Variants in TRPC7 observed in about 807,000 individuals in gnomAD.
TRPC7 encodes the protein transient receptor potential cation channel subfamily C member 7.
A neutral mutation model predicts 90.1 loss-of-function variants in TRPC7; 42 were observed. The observed-to-expected ratio is 0.47, with a 90% CI of 0.36 to 0.60. TRPC7 has a LOEUF of 0.60. Among genes scored for constraint, TRPC7 ranks in the 20% least tolerant of loss-of-function variants. TRPC7 has a pLI of 0.00. For missense variants in TRPC7, 955 were observed against 1,112.3 expected (o/e 0.86, Z 2.01); for synonymous variants, 451 against 436.3 (o/e 1.03, Z -0.42).
At chr5:136,281,884 A>G (rs1006294532) in intron 3 of TRPC7, among the ~76,000 whole-genome samples, 1 of 152,240 alleles carries the variant, frequency 6.6e-6, no homozygotes, top group Non-Finnish European at 1.5e-5. Flanking sequence ...TTTCTGAAAT[A>G]CAAACCACTT....
intron 3 of TRPC7, among the ~76,000 whole-genome samples, chr5:136,292,043 C>G (rs1280001846): frequency 1.3e-5 from 2 of 152,164 alleles, no homozygotes; most frequent in Non-Finnish European, 2.9e-5. Context: ...TGAATGACTA[C>G]TGGGTACATA....
chr5:136,251,524 G>A lies in TRPC7; in HGVS notation c.1579+125C>T, dbSNP rs112731278. 3,068 of 771,558 alleles carry A rather than the reference G, an allele frequency of 4.0e-3. 28 individuals are homozygous for A. Among genetic ancestry groups the A allele is most frequent in the African/African-American group, 0.02 (1,151 of 57,538 alleles). 47.8% of individuals were successfully genotyped at this position (771,558 alleles called of 1,614,324 possible). ...ACTGACAGTGGAACTGCCAAAGTCG[G>A]CTGTGTTACAAATCATGGGCCACTT... On this transcript the variant is annotated intron_variant, in intron 6 of 11. Transcript: ENST00000513104.
chr5:136,364,451 A>T (rs1403083847), intron 1 of TRPC7, among the ~76,000 whole-genome samples: 4 of 152,196 alleles, frequency 2.6e-5, no homozygotes, highest in Non-Finnish European at 4.4e-5. Flanking sequence ...TTCATTCATA[A>T]ATTTGATGTG....
intron 3 of TRPC7, among the ~76,000 whole-genome samples, chr5:136,304,717 T>C (rs974202012): frequency 6.6e-6 from 1 of 152,182 alleles, no homozygotes; most frequent in African/African-American, 2.4e-5. Context: ...CAAGCCCAAA[T>C]TTCATCCTCA....
intron 2 of TRPC7, among the ~76,000 whole-genome samples, chr5:136,320,953 G>A (rs1336297290): frequency 6.6e-6 from 1 of 151,908 alleles, no homozygotes; most frequent in Admixed American, 6.6e-5. Flanking sequence ...TATATTTATT[G>A]TCCATGTCTC....
rs113681834 is a variant in TRPC7 at position 136,250,104 on chromosome 5, T to TG, written c.1579+1544_1579+1545insC. On this transcript the variant is annotated intron_variant, in intron 6 of 11. Transcript: ENST00000513104. ...TCTCTCTTCCTTCCTTGATGAACCC[T>TG]AACAAGACAGAGGATAATATCCAAG... is the stretch of plus-strand genomic sequence containing the variant. Among the ~76,000 whole-genome samples, 1,244 of 152,302 alleles carry TG rather than the reference T, an allele frequency of 8.2e-3. 15 individuals are homozygous for TG. The highest frequency in any genetic ancestry group is 0.021 in the African/African-American group (878 of 41,578).
chr5:136,360,553 C>A (rs1037878140), intron 1 of TRPC7, among the ~76,000 whole-genome samples: 5 of 152,134 alleles, frequency 3.3e-5, no homozygotes, highest in African/African-American at 1.2e-4. Flanking sequence ...TCTGAATGAC[C>A]TTGAAAGCAG....
intron 3 of TRPC7, among the ~76,000 whole-genome samples, chr5:136,303,056 C>T (rs1008822563): frequency 3.3e-5 from 5 of 152,192 alleles, no homozygotes; most frequent in African/African-American, 4.8e-5. Flanking sequence ...TCCTCACACC[C>T]GGTCTGGCTT....
rs535307447 is a variant in TRPC7, at chr5:136,345,305, T to C, written c.780+11303A>G. Among the ~76,000 whole-genome samples the C allele has an allele frequency of 1.1e-4, 16 of 152,180 alleles. No individual in the cohort carries two copies. The East Asian group carries it at 2.5e-3, about 24-fold the overall frequency. On this transcript the variant is annotated intron_variant, in intron 2 of 11. Transcript: ENST00000513104. ...GCACGGTGGCTCACGCCTGTAATCCTAGCACTTTGGGAGGCCGAGGCGGGC... is the reference window on the plus strand; with the variant it reads ...GCACGGTGGCTCACGCCTGTAATCCCAGCACTTTGGGAGGCCGAGGCGGGC...
intron 7 of TRPC7, among the ~76,000 whole-genome samples, chr5:136,245,970 C>T (rs1023466534): frequency 1.3e-5 from 2 of 152,178 alleles, no homozygotes; most frequent in South Asian, 2.1e-4. Context: ...AGACCCTTCT[C>T]GGTGCTACCG....
rs373487347 is a variant in TRPC7 at position 136,213,393 on chromosome 5, C to G, written c.*42G>C. The G allele has an allele frequency of 7.5e-6, 12 of 1,604,386 alleles. No homozygotes were observed. The highest frequency in any genetic ancestry group is 7.7e-6 in the Non-Finnish European group (9 of 1,174,758). On this transcript the variant is annotated 3_prime_UTR_variant, in exon 12 of 12. Transcript: ENST00000513104. ...ATGGGGGCGAGGGCATCCAACCTGG[C>G]CTTGGAATGCTGGTAGAAGTCACAG...
intron 8 of TRPC7, among the ~76,000 whole-genome samples, chr5:136,228,286 T>C (rs1481758156): frequency 8.3e-6 from 1 of 121,020 alleles, no homozygotes. Flanking sequence ...AGGTCAAGAG[T>C]GGGTGGGGTG....
At chr5:136,312,203 C>T (rs1758852625) in intron 3 of TRPC7, among the ~76,000 whole-genome samples, 1 of 152,136 alleles carries the variant, frequency 6.6e-6, no homozygotes, top group Non-Finnish European at 1.5e-5. Context: ...AGGCTGAGCG[C>T]CCTCTTAAGG....
intron 5 of TRPC7, among the ~76,000 whole-genome samples, chr5:136,257,474 T>C (rs115927511): frequency 6.6e-6 from 1 of 152,100 alleles, no homozygotes; most frequent in African/African-American, 2.4e-5. Flanking sequence ...AGCCACCACT[T>C]CCGGCCTGAA....
chr5:136,233,216 A>T (rs970291513), intron 7 of TRPC7, among the ~76,000 whole-genome samples: 1 of 152,224 alleles, frequency 6.6e-6, no homozygotes, highest in Non-Finnish European at 1.5e-5. Flanking sequence ...GTTTCTTTTA[A>T]AACTGTGATT....
chr5:136,319,009 C>T (rs551817664), intron 2 of TRPC7, among the ~76,000 whole-genome samples: 1 of 152,312 alleles, frequency 6.6e-6, no homozygotes, highest in South Asian at 2.1e-4. Flanking sequence ...TGCCTCTGCA[C>T]AGTGAATGTG....
intron 10 of TRPC7, among the ~76,000 whole-genome samples, chr5:136,219,884 G>C (rs1166213178): frequency 3.9e-5 from 6 of 152,230 alleles, no homozygotes; most frequent in Non-Finnish European, 7.3e-5. Flanking sequence ...GAAATGGTTG[G>C]AGAAATGGCC....
At chr5:136,310,672 C>T (rs533605666) in intron 3 of TRPC7, among the ~76,000 whole-genome samples, 1 of 152,274 alleles carries the variant, frequency 6.6e-6, no homozygotes, top group Non-Finnish European at 1.5e-5. Flanking sequence ...CTGGGACCAC[C>T]TGCACATCTG....
chr5:136,228,768 T>G (rs1755719666), intron 8 of TRPC7, among the ~76,000 whole-genome samples: 1 of 152,174 alleles, frequency 6.6e-6, no homozygotes, highest in Non-Finnish European at 1.5e-5. Context: ...AAACTACATG[T>G]GATCATGAAC....
Sources: gnomAD v4.1 joint callset for allele counts (sites outside exome capture counted in the v4.1 genomes callset) on GRCh38, gnomAD v4.1.1 for gene constraint, MANE v1.5 for transcripts, NCBI Gene and HGNC (gene_info 2026-07-23, HGNC 2026-07-21) for gene names.